CCDC149: variants seen among roughly 807,000 people sequenced by gnomAD.
CCDC149 encodes the protein coiled-coil domain containing 149.
CCDC149 carries 45 observed loss-of-function variants against 59.9 expected under a neutral mutation model. The ratio of observed to expected loss-of-function variants is 0.75; its 90% CI spans 0.59 to 0.96. The LOEUF is 0.96. Among genes scored for constraint, CCDC149 ranks in the 40% least tolerant of loss-of-function variants. The pLI is 0.00. For missense variants in CCDC149, 584 were observed against 664.7 expected, an observed-to-expected ratio of 0.88 and a Z score of 1.33; for synonymous variants, 245 against 260.6, an observed-to-expected ratio of 0.94 and a Z score of 0.58.
chr4:24,868,957 T>A (rs1220768494), intron 3 of CCDC149, among the ~76,000 whole-genome samples: 1 of 152,190 alleles, frequency 6.6e-6, no homozygotes, highest in Non-Finnish European at 1.5e-5. Context: ...AAGAATAGTA[T>A]CTACCGCACA....
At chr4:24,954,818 G>C (rs2109357414) in intron 1 of CCDC149, among the ~76,000 whole-genome samples, 1 of 152,082 alleles carries the variant, frequency 6.6e-6, no homozygotes, top group East Asian at 1.9e-4. Flanking sequence ...ATAGCACCTG[G>C]GTGCTTTCTA....
intron 1 of CCDC149, among the ~76,000 whole-genome samples, chr4:24,901,181 G>A (rs1363184575): frequency 2.0e-5 from 3 of 152,204 alleles, no homozygotes; most frequent in Non-Finnish European, 4.4e-5. Flanking sequence ...AGAGGTGAAA[G>A]TGGAAAGACT....
At chr4:24,963,563 T>G (rs939463254) in intron 1 of CCDC149, among the ~76,000 whole-genome samples, 1 of 152,204 alleles carries the variant, frequency 6.6e-6, no homozygotes, top group African/African-American at 2.4e-5. Flanking sequence ...CTGGAGTCAG[T>G]GGACCCAATG....
chr4:24,820,893 A>G (rs917059149), intron 11 of CCDC149, among the ~76,000 whole-genome samples, 162 bp downstream of exon 11: 3 of 152,196 alleles, frequency 2.0e-5, no homozygotes, highest in African/African-American at 7.2e-5. Context: ...TCATCCTTTA[A>G]TATTTGTTTT....
At chr4:24,913,660 C>T (rs1404763466), upstream of CCDC149, among the ~76,000 whole-genome samples, 1 of 152,164 alleles carries the variant, frequency 6.6e-6, no homozygotes, top group Admixed American at 6.5e-5. Context: ...CAAATTGGCA[C>T]TGGTGGCATT....
intron 1 of CCDC149, among the ~76,000 whole-genome samples, chr4:24,935,340 G>C (rs932202256): frequency 6.6e-6 from 1 of 152,150 alleles, no homozygotes; most frequent in Non-Finnish European, 1.5e-5. Context: ...GGGGTAAGGG[G>C]TAGTAAAAGT....
intron 3 of CCDC149, among the ~76,000 whole-genome samples, chr4:24,855,532 G>A (rs1180721071): frequency 6.8e-6 from 1 of 146,716 alleles, no homozygotes; most frequent in African/African-American, 2.5e-5. Flanking sequence ...CTGAGATCAT[G>A]CCACTGAACT....
chr4:24,905,403 T>C (rs1387315473), intron 1 of CCDC149, among the ~76,000 whole-genome samples: 1 of 141,170 alleles, frequency 7.1e-6, no homozygotes, highest in African/African-American at 2.7e-5. Context: ...TTCTTTCTTT[T>C]TGCGTGCGTG....
intron 2 of CCDC149, among the ~76,000 whole-genome samples, chr4:24,874,271 TTTTG>T (rs1560230639): frequency 0.063 from 3,149 of 49,702 alleles, 231 homozygotes; most frequent in Non-Finnish European, 0.11. Flanking sequence ...TTTTGTTTTT[TTTTG>T]TTTTTTTGCC....
intron 9 of CCDC149, among the ~76,000 whole-genome samples, chr4:24,826,208 C>T (rs1384306964): frequency 6.6e-6 from 1 of 152,118 alleles, no homozygotes; most frequent in Non-Finnish European, 1.5e-5. Context: ...AACCTGCCCA[C>T]CTCAGCATCC....
chr4:24,825,151 A>C (rs1715642999), intron 9 of CCDC149, among the ~76,000 whole-genome samples: 1 of 152,222 alleles, frequency 6.6e-6, no homozygotes, highest in Non-Finnish European at 1.5e-5. Flanking sequence ...TCTGTAAAGC[A>C]CTATGCTACA....
At chr4:24,975,236 T>C (rs1229552960) in intron 1 of CCDC149, among the ~76,000 whole-genome samples, 1 of 149,260 alleles carries the variant, frequency 6.7e-6, no homozygotes, top group African/African-American at 2.5e-5. Flanking sequence ...TATTCTGTTA[T>C]AGCAGCACAA....
chr4:24,935,599 C>T (rs1052586368), intron 1 of CCDC149, among the ~76,000 whole-genome samples: 13 of 152,132 alleles, frequency 8.5e-5, no homozygotes, highest in Non-Finnish European at 1.3e-4. Flanking sequence ...CCTTCCATCA[C>T]GTGAGGACCG....
intron 1 of CCDC149, among the ~76,000 whole-genome samples, chr4:24,940,614 A>C (rs1441580001): frequency 6.6e-6 from 1 of 152,272 alleles, no homozygotes; most frequent in Non-Finnish European, 1.5e-5. Context: ...TTGGATAAAG[A>C]GTCAAGACCC....
intron 1 of CCDC149, among the ~76,000 whole-genome samples, chr4:24,929,900 A>G (rs757477766): frequency 6.6e-6 from 1 of 152,144 alleles, no homozygotes; most frequent in African/African-American, 2.4e-5. Context: ...CCCCCCATCA[A>G]CCAACAAGCA....
chr4:24,815,330 A>G (rs1714941984), intron 12 of CCDC149, among the ~76,000 whole-genome samples: 2 of 152,216 alleles, frequency 1.3e-5, no homozygotes, highest in African/African-American at 4.8e-5. Flanking sequence ...TAGCTCAGGG[A>G]AGCAATCACA....
At chr4:24,911,511 C>G (rs912646109) in intron 1 of CCDC149, among the ~76,000 whole-genome samples, 13 of 152,220 alleles carry the variant, frequency 8.5e-5, no homozygotes, top group Non-Finnish European at 2.9e-5. Context: ...AGAACTACCT[C>G]CAGCCTCCTT....
intron 8 of CCDC149, among the ~76,000 whole-genome samples, chr4:24,834,179 C>CT (rs942411907): frequency 1.1e-4 from 16 of 151,510 alleles, no homozygotes; most frequent in South Asian, 2.1e-4. Flanking sequence ...AGACTCAGCA[C>CT]TTTTTTTTTA....
At chr4:24,819,788 G>A (rs926219739) in intron 12 of CCDC149, 71 bp downstream of exon 12, 13 of 1,042,324 alleles carry the variant, frequency 1.2e-5, no homozygotes, top group East Asian at 2.6e-5. Context: ...GGAAGAGACC[G>A]ATGTCCATTG....
Sources: gnomAD v4.1 joint callset for allele counts (sites outside exome capture counted in the v4.1 genomes callset) on GRCh38, gnomAD v4.1.1 for gene constraint, MANE v1.5 for transcripts, NCBI Gene and HGNC (gene_info 2026-07-23, HGNC 2026-07-21) for gene names.